Variants in SDK1 observed in about 807,000 individuals in gnomAD.
The protein encoded by SDK1 is sidekick cell adhesion molecule 1.
A neutral mutation model predicts 245.5 loss-of-function variants in SDK1; 157 were observed. The observed-to-expected ratio is 0.64, with a 90% CI of 0.56 to 0.73. SDK1 has a LOEUF of 0.73. Among genes scored for constraint, SDK1 ranks in the 30% least tolerant of loss-of-function variants. SDK1 has a pLI of 0.00. For missense variants in SDK1, 3,583 were observed against 3,002.3 expected (o/e 1.19, Z -4.52); for synonymous variants, 1,647 against 1,278.5 (o/e 1.29, Z -6.15).
At chr7:4,151,614 A>G (rs1398806285) in intron 30 of SDK1, among the ~76,000 whole-genome samples, 1 of 152,022 alleles carries the variant, frequency 6.6e-6, no homozygotes, top group African/African-American at 2.4e-5. Context: ...CTCTGACAGG[A>G]CTTCACCACC....
At chr7:3,898,311 T>G (rs944961684) in intron 5 of SDK1, among the ~76,000 whole-genome samples, 75 of 152,164 alleles carry the variant, frequency 4.9e-4, no homozygotes, top group African/African-American at 1.6e-3. Context: ...ATTTTCTAGG[T>G]TACAGAACCA....
chr7:3,437,055 T>C (rs781648202), intron 1 of SDK1, among the ~76,000 whole-genome samples: 1 of 152,164 alleles, frequency 6.6e-6, no homozygotes, highest in Non-Finnish European at 1.5e-5. Flanking sequence ...CCTGGTCTGA[T>C]TTCACATTGC....
chr7:3,953,649 C>G (rs941354898), intron 7 of SDK1, among the ~76,000 whole-genome samples: 6 of 152,188 alleles, frequency 3.9e-5, no homozygotes, highest in African/African-American at 1.4e-4. Flanking sequence ...AAATTTATCT[C>G]CCTTTAAACG....
At chr7:3,955,160 A>T (rs1049198368) in intron 7 of SDK1, among the ~76,000 whole-genome samples, 1 of 152,112 alleles carries the variant, frequency 6.6e-6, no homozygotes, top group Admixed American at 6.5e-5. Context: ...TTTCACTGGG[A>T]TGGACTCTTT....
chr7:3,975,726 A>G (rs966726496), intron 13 of SDK1, among the ~76,000 whole-genome samples: 1 of 152,252 alleles, frequency 6.6e-6, no homozygotes, highest in African/African-American at 2.4e-5. Context: ...TGTCATCAGT[A>G]CCTGAAAAAC....
At chr7:3,449,917 C>T (rs192075254) in intron 1 of SDK1, among the ~76,000 whole-genome samples, 7 of 152,298 alleles carry the variant, frequency 4.6e-5, no homozygotes, top group Admixed American at 2.0e-4. Context: ...CAATTAGCCA[C>T]GTGTCCAGGA....
chr7:4,042,425 C>T (rs1461726559), intron 17 of SDK1, among the ~76,000 whole-genome samples: 1 of 136,988 alleles, frequency 7.3e-6, no homozygotes, highest in Non-Finnish European at 1.5e-5. Flanking sequence ...AAGACTTTGT[C>T]ATTGGCTGTG....
chr7:3,969,474 A>T (rs749997099), intron 11 of SDK1, 50 bp downstream of exon 11: 1 of 1,418,794 alleles, frequency 7.0e-7, no homozygotes, highest in African/African-American at 1.4e-5. Flanking sequence ...CGGTTTAATC[A>T]TCACGTCATC....
chr7:4,085,859 T>G (rs545775700), intron 22 of SDK1, among the ~76,000 whole-genome samples: 42 of 152,284 alleles, frequency 2.8e-4, no homozygotes, highest in Non-Finnish European at 5.0e-4. Flanking sequence ...CTAGCTCATT[T>G]TACATTTTAA....
At chr7:3,669,289 A>G (rs993338573) in intron 4 of SDK1, among the ~76,000 whole-genome samples, 10 of 152,226 alleles carry the variant, frequency 6.6e-5, no homozygotes, top group African/African-American at 2.4e-4. Context: ...GCTTTGTCTC[A>G]TAAACAGATA....
chr7:3,955,148 G>A (rs980128558), intron 7 of SDK1, among the ~76,000 whole-genome samples: 1 of 152,170 alleles, frequency 6.6e-6, no homozygotes, highest in African/African-American at 2.4e-5. Flanking sequence ...CGGACGGCGA[G>A]TTTTCACTGG....
chr7:3,696,827 C>G (rs1233951787), intron 4 of SDK1, among the ~76,000 whole-genome samples: 1 of 151,608 alleles, frequency 6.6e-6, no homozygotes, highest in East Asian at 1.9e-4. Flanking sequence ...GCAATTCACT[C>G]TAAGAACATT....
rs200914826 is a variant in SDK1 at position 3,418,145 on chromosome 7, GAAAAAAAA to G, written c.298+116277_298+116284del. On this transcript the variant is annotated intron_variant, in intron 1 of 44. Coordinates refer to ENST00000404826, the MANE Select transcript of SDK1 (RefSeq NM_152744.4). The stretch of plus-strand genomic sequence containing the variant: ...GTGAAACCCGATCTCTACTAAAAAT[GAAAAAAAA>G]AAAAAAAAAAAAAAATAGCTGAGCT... Among the ~76,000 whole-genome samples, 55 of 119,726 alleles carry G rather than the reference GAAAAAAAA, an allele frequency of 4.6e-4. 1 individual carries two copies. Among genetic ancestry groups the G allele is most frequent in the Middle Eastern group, 4.1e-3 (1 of 244 alleles). 78.5% of individuals were successfully genotyped at this position (119,726 alleles called of 152,430 possible).
intron 16 of SDK1, among the ~76,000 whole-genome samples, chr7:4,015,982 C>G (rs1326759274): frequency 2.6e-5 from 4 of 152,230 alleles, no homozygotes; most frequent in Non-Finnish European, 4.4e-5. Context: ...CATTTTCAAG[C>G]CCTCCTTCTC....
intron 13 of SDK1, among the ~76,000 whole-genome samples, chr7:3,980,676 GC>G (rs1290985749): frequency 6.6e-6 from 1 of 152,202 alleles, no homozygotes; most frequent in Non-Finnish European, 1.5e-5. Flanking sequence ...GGCCGCAGAG[GC>G]TCACGCCTGT....
In SDK1 at chr7:3,723,842, A is replaced by G. The variant is rs931174907; in HGVS notation, c.713+81737A>G. Among the ~76,000 whole-genome samples the G allele has an allele frequency of 4.1e-5, 6 of 147,754 alleles. No homozygotes were observed. The East Asian group carries it at 9.8e-4, about 24-fold the overall frequency. ...TACATATACATATACACGTGTATAT[A>G]CACGTACATATACATATACACGTGT... On this transcript the variant is annotated intron_variant, in intron 4 of 44. Transcript: ENST00000404826.
chr7:3,861,836 A>G (rs1780699787), intron 5 of SDK1, among the ~76,000 whole-genome samples: 1 of 152,192 alleles, frequency 6.6e-6, no homozygotes, highest in African/African-American at 2.4e-5. Flanking sequence ...AGAGGATGTA[A>G]TTATCTGTCC....
At chr7:3,560,529 A>G (rs1020192509) in intron 1 of SDK1, among the ~76,000 whole-genome samples, 1 of 152,220 alleles carries the variant, frequency 6.6e-6, no homozygotes, top group East Asian at 1.9e-4. Flanking sequence ...TACTACTGCT[A>G]CCAATCTGCC....
intron 37 of SDK1, among the ~76,000 whole-genome samples, chr7:4,208,656 T>C (rs1251671644): frequency 1.3e-5 from 2 of 152,202 alleles, no homozygotes; most frequent in Non-Finnish European, 2.9e-5. Flanking sequence ...GGGCGCCTGA[T>C]GGCATGTCCA....
Sources: gnomAD v4.1 joint callset for allele counts (sites outside exome capture counted in the v4.1 genomes callset) on GRCh38, gnomAD v4.1.1 for gene constraint, MANE v1.5 for transcripts, NCBI Gene and HGNC (gene_info 2026-07-23, HGNC 2026-07-21) for gene names.